Variants in ATP8A2 observed in about 807,000 individuals in gnomAD.
ATP8A2 encodes the protein ATPase phospholipid transporting 8A2.
Under a neutral mutation model 165.6 loss-of-function variants are expected in ATP8A2, and 100 were observed. The ratio of observed to expected loss-of-function variants is 0.60; its 90% CI spans 0.51 to 0.71. The LOEUF (loss-of-function observed/expected upper bound fraction) is 0.71. Ranked by LOEUF, ATP8A2 falls within the 30% of genes least tolerant of loss-of-function variation. ATP8A2 has a pLI of 0.00. For missense variants in ATP8A2, 1,227 were observed against 1,479.5 expected, an observed-to-expected ratio of 0.83 and a Z score of 2.80; for synonymous variants, 543 against 548.8, an observed-to-expected ratio of 0.99 and a Z score of 0.15.
At chr13:25,571,772 A>G in intron 18 of ATP8A2, 80 bp downstream of exon 18, 1 of 1,180,778 alleles carries the variant, frequency 8.5e-7, no homozygotes, top group Non-Finnish European at 1.3e-6. Context: ...TCTATTGTAA[A>G]TATGATAGCT....
intron 24 of ATP8A2, among the ~76,000 whole-genome samples, chr13:25,681,841 T>C (rs1341884022): frequency 6.6e-6 from 1 of 152,136 alleles, no homozygotes; most frequent in Non-Finnish European, 1.5e-5. Context: ...CCCTCAGTGG[T>C]TTGTTCCATT....
intron 25 of ATP8A2, among the ~76,000 whole-genome samples, chr13:25,720,041 G>T (rs2043340282): frequency 6.6e-6 from 1 of 152,046 alleles, no homozygotes; most frequent in Non-Finnish European, 1.5e-5. Flanking sequence ...CAGCTCAGAG[G>T]CTATTCTTCA....
intron 2 of ATP8A2, among the ~76,000 whole-genome samples, chr13:25,481,734 C>G (rs76170422): frequency 1.8e-4 from 27 of 152,176 alleles, no homozygotes; most frequent in Admixed American, 1.7e-3. Flanking sequence ...GGTTCTGGTG[C>G]GGGCTCTCTC....
At chr13:25,471,156 A>G (rs1255983168) in intron 2 of ATP8A2, among the ~76,000 whole-genome samples, 1 of 152,212 alleles carries the variant, frequency 6.6e-6, no homozygotes, top group Non-Finnish European at 1.5e-5. Flanking sequence ...TCTAAAAGAT[A>G]TATACTGTAT....
intron 24 of ATP8A2, among the ~76,000 whole-genome samples, chr13:25,668,741 A>G (rs993769074): frequency 3.3e-5 from 5 of 152,120 alleles, no homozygotes; most frequent in African/African-American, 1.2e-4. Flanking sequence ...ACTTCTCAGT[A>G]TGATTTAACA....
chr13:25,995,351 C>T (rs1956475116), intron 35 of ATP8A2, among the ~76,000 whole-genome samples: 1 of 150,746 alleles, frequency 6.6e-6, no homozygotes, highest in Non-Finnish European at 1.5e-5. Flanking sequence ...CTTCCTTCTG[C>T]TTGCTTTGGG....
intron 4 of ATP8A2, among the ~76,000 whole-genome samples, chr13:25,531,203 G>T (rs1035338524): frequency 3.2e-5 from 4 of 123,156 alleles, no homozygotes; most frequent in African/African-American, 9.9e-5. Context: ...TGTTATATAT[G>T]ATATATGTTA....
At chr13:25,809,949 T>G (rs1354888917) in intron 27 of ATP8A2, among the ~76,000 whole-genome samples, 2 of 152,182 alleles carry the variant, frequency 1.3e-5, no homozygotes, top group East Asian at 3.9e-4. Context: ...ATTAATGTGT[T>G]GCCCCAGAGA....
At chr13:25,817,755 G>A (rs1257496370) in intron 27 of ATP8A2, among the ~76,000 whole-genome samples, 1 of 151,420 alleles carries the variant, frequency 6.6e-6, no homozygotes, top group Non-Finnish European at 1.5e-5. Context: ...ATGGCTCACT[G>A]CAGCCTCAAC....
At chr13:25,852,784 C>G (rs1214073220) in intron 30 of ATP8A2, among the ~76,000 whole-genome samples, 1 of 151,922 alleles carries the variant, frequency 6.6e-6, no homozygotes, top group African/African-American at 2.4e-5. Context: ...CGCGGCCAGC[C>G]TGACTAACAT....
intron 33 of ATP8A2, among the ~76,000 whole-genome samples, chr13:25,896,146 T>C (rs1284929649): frequency 6.6e-6 from 1 of 152,378 alleles, no homozygotes; most frequent in African/African-American, 2.4e-5. Context: ...TTTAGATCTT[T>C]CCTGCTTTCT....
intron 27 of ATP8A2, among the ~76,000 whole-genome samples, chr13:25,818,981 G>A (rs1032454218): frequency 5.3e-5 from 8 of 152,284 alleles, no homozygotes; most frequent in Middle Eastern, 3.4e-3. Context: ...TGAAGTTGAA[G>A]TGATGCTTAT....
intron 1 of ATP8A2, among the ~76,000 whole-genome samples, chr13:25,432,736 A>G (rs2034650055): frequency 6.6e-6 from 1 of 152,172 alleles, no homozygotes; most frequent in South Asian, 2.1e-4. Context: ...AAGCAGTCTC[A>G]GAAAAAACTC....
chr13:26,019,093 C>G (rs1380274692), intron 36 of ATP8A2, among the ~76,000 whole-genome samples: 1 of 152,098 alleles, frequency 6.6e-6, no homozygotes, highest in East Asian at 1.9e-4. Context: ...CAGTCCAGAT[C>G]AGTCTGATTT....
At chr13:25,539,299 A>G (rs1481820889) in intron 7 of ATP8A2, among the ~76,000 whole-genome samples, 1 of 151,980 alleles carries the variant, frequency 6.6e-6, no homozygotes, top group African/African-American at 2.4e-5. Context: ...TCATTTTTAA[A>G]AATTTTTTGT....
chr13:25,682,493 T>A (rs2042512720), intron 24 of ATP8A2, among the ~76,000 whole-genome samples: 1 of 152,172 alleles, frequency 6.6e-6, no homozygotes, highest in South Asian at 2.1e-4. Context: ...CTCTTAAAGC[T>A]CATACGAGAG....
intron 27 of ATP8A2, among the ~76,000 whole-genome samples, chr13:25,810,635 T>C (rs541322823): frequency 5.7e-4 from 87 of 152,322 alleles, no homozygotes; most frequent in African/African-American, 2.0e-3. Flanking sequence ...ATATTTCTGA[T>C]TGATAGATCC....
At chr13:25,875,928 A>G (rs1269540231) in intron 33 of ATP8A2, among the ~76,000 whole-genome samples, 1 of 152,356 alleles carries the variant, frequency 6.6e-6, no homozygotes, top group East Asian at 1.9e-4. Context: ...ATTAAAACTG[A>G]GGAAGACAGT....
chr13:25,627,712 T>C (rs1332429962), intron 24 of ATP8A2, among the ~76,000 whole-genome samples: 1 of 152,200 alleles, frequency 6.6e-6, no homozygotes, highest in African/African-American at 2.4e-5. Context: ...CATTTTGTTA[T>C]GGCAGCCTGA....
Sources: allele counts gnomAD v4.1 joint callset (sites outside exome capture counted in the v4.1 genomes callset), GRCh38; gene constraint gnomAD v4.1.1; transcripts MANE v1.5; gene names NCBI Gene and HGNC (gene_info 2026-07-23, HGNC 2026-07-21).